HIVEP1: variants seen among roughly 807,000 people sequenced by gnomAD.
HIVEP1 encodes the protein HIVEP zinc finger 1.
A neutral mutation model predicts 180.0 loss-of-function variants in HIVEP1; 36 were observed. The observed-to-expected ratio is 0.20, with a 90% CI of 0.15 to 0.26. The LOEUF (loss-of-function observed/expected upper bound fraction) is 0.26, where lower values mean the gene tolerates loss of function less well. HIVEP1 is among the 10% of genes least tolerant of loss of function. The pLI is 1.00. For synonymous variants in HIVEP1, 1,239 were observed against 1,239.0 expected, an observed-to-expected ratio of 1.00 and a Z score of 0.00; for missense variants, 3,143 against 3,268.7, an observed-to-expected ratio of 0.96 and a Z score of 0.94.
chr6:12,133,991 A>AG (rs1449015613), intron 6 of HIVEP1, among the ~76,000 whole-genome samples: 13 of 152,112 alleles, frequency 8.5e-5, no homozygotes, highest in Admixed American at 3.9e-4. Context: ...AAAAAAAAAA[A>AG]AAGAGGACTA....
intron 2 of HIVEP1, among the ~76,000 whole-genome samples, chr6:12,084,652 T>C (rs1245191294): frequency 1.3e-5 from 2 of 152,278 alleles, no homozygotes; most frequent in Admixed American, 6.5e-5. Flanking sequence ...GTAGTAAAAA[T>C]AGTACAGTTA....
Position 12,120,645 on chromosome 6 carries a change from T to C in HIVEP1, c.850T>C (p.Tyr284His). The stretch of plus-strand genomic sequence containing the variant: ...GGCAATGCAGTCAGCTTCTCATTTG[T>C]ATCATCAACATGAACACTTTGTTCC... Reference protein sequence around the residue: ...QGAMQSASHLYHQHEHFVPKS... With the variant: ...QGAMQSASHLHHQHEHFVPKS... Residue 284 changes from tyrosine to histidine, a missense_variant, in exon 4 of 9, where the codon TAT becomes CAT. Transcript: ENST00000379388. The C allele has an allele frequency of 6.2e-7, 1 of 1,614,240 alleles. No individual in the cohort carries two copies. Among genetic ancestry groups the C allele is most frequent in the Non-Finnish European group, 8.5e-7 (1 of 1,180,036 alleles).
intron 2 of HIVEP1, among the ~76,000 whole-genome samples, chr6:12,044,978 T>G (rs574674318): frequency 6.6e-6 from 1 of 152,240 alleles, no homozygotes; most frequent in African/African-American, 2.4e-5. Flanking sequence ...TCAATAGAGC[T>G]AAGTCAAATT....
At chr6:12,068,021 G>C (rs1470104466) in intron 2 of HIVEP1, among the ~76,000 whole-genome samples, 4 of 152,112 alleles carry the variant, frequency 2.6e-5, no homozygotes, top group African/African-American at 9.7e-5. Context: ...TCGTGCTGGT[G>C]AGGGGGCTGT....
intron 7 of HIVEP1, among the ~76,000 whole-genome samples, chr6:12,139,080 T>C (rs1241932029): frequency 6.6e-6 from 1 of 152,008 alleles, no homozygotes; most frequent in Non-Finnish European, 1.5e-5. Context: ...TTACAGACTA[T>C]CTTCCACATA....
intron 3 of HIVEP1, among the ~76,000 whole-genome samples, chr6:12,104,414 CCT>C (rs1561942278): frequency 1.7e-5 from 2 of 117,794 alleles, no homozygotes; most frequent in Non-Finnish European, 3.7e-5. Context: ...CTCTCTCTCT[CCT>C]TTTCTTTCCT....
intron 2 of HIVEP1, among the ~76,000 whole-genome samples, chr6:12,056,351 T>TTAA (rs1288373079): frequency 1.3e-5 from 2 of 152,170 alleles, no homozygotes; most frequent in African/African-American, 2.4e-5. Flanking sequence ...AAGATTAATA[T>TTAA]TAATAATAAT....
the HIVEP1 span, among the ~76,000 whole-genome samples, chr6:12,192,759 T>C: frequency 1.3e-5 from 2 of 152,210 alleles, no homozygotes; most frequent in African/African-American, 4.8e-5. Context: ...ATCTCTTTTC[T>C]TCATAAATTA....
At chr6:12,104,414 CCTTTTCTT>C (rs1774302012) in intron 3 of HIVEP1, among the ~76,000 whole-genome samples, 1 of 117,798 alleles carries the variant, frequency 8.5e-6, no homozygotes. Context: ...CTCTCTCTCT[CCTTTTCTT>C]TCCTTTTTTT....
intron 2 of HIVEP1, among the ~76,000 whole-genome samples, chr6:12,058,272 C>G (rs1771002862): frequency 6.6e-6 from 1 of 151,916 alleles, no homozygotes; most frequent in African/African-American, 2.4e-5. Flanking sequence ...TTATAAAGTG[C>G]TTAGTGGTAA....
At chr6:12,095,217 A>T (rs534361991) in intron 3 of HIVEP1, among the ~76,000 whole-genome samples, 10 of 151,758 alleles carry the variant, frequency 6.6e-5, no homozygotes, top group Non-Finnish European at 1.5e-4. Context: ...GATTTTCATG[A>T]TACTTTCTTG....
At chr6:12,093,513 A>G (rs1185858500) in intron 3 of HIVEP1, among the ~76,000 whole-genome samples, 1 of 151,534 alleles carries the variant, frequency 6.6e-6, no homozygotes, top group Non-Finnish European at 1.5e-5. Flanking sequence ...CACGTTTCAG[A>G]TTAAAAACCC....
intron 2 of HIVEP1, among the ~76,000 whole-genome samples, chr6:12,079,062 C>T (rs550915670): frequency 1.3e-5 from 2 of 152,172 alleles, no homozygotes; most frequent in African/African-American, 4.8e-5. Flanking sequence ...ACCATGGTTA[C>T]GATGACTACC....
chr6:12,182,285 C>T, the HIVEP1 span, among the ~76,000 whole-genome samples: 8 of 151,668 alleles, frequency 5.3e-5, no homozygotes, highest in African/African-American at 1.9e-4. Flanking sequence ...TTTCTTAAAA[C>T]AAAAATTTCC....
In HIVEP1 at chr6:12,039,895, ACCTGCAGTGGTTC is replaced by A. The variant is rs561586587; in HGVS notation, c.40+24232_40+24244del. On this transcript the variant is annotated intron_variant, in intron 2 of 8. Coordinates refer to ENST00000379388, the MANE Select transcript of HIVEP1 (RefSeq NM_002114.4). ...CAGGGAGCACTGGACCCCTGTGAGCACCTGCAGTGGTTCCCTGGCCGGAGTTCAGGCAGGGCGG... is the reference window on the plus strand; with the variant it reads ...CAGGGAGCACTGGACCCCTGTGAGCACCTGGCCGGAGTTCAGGCAGGGCGG... Among the ~76,000 whole-genome samples, 25 of 152,268 alleles carry A rather than the reference ACCTGCAGTGGTTC, an allele frequency of 1.6e-4. No individual in the cohort carries two copies. The East Asian group carries it at 4.6e-3, about 28-fold the overall frequency.
chr6:12,178,660 G>GACACAAC, the HIVEP1 span, among the ~76,000 whole-genome samples: 4 of 152,294 alleles, frequency 2.6e-5, no homozygotes, highest in African/African-American at 7.2e-5. Flanking sequence ...GGAGGTCTGA[G>GACACAAC]TTGATGGGGC....
At chr6:12,061,360 A>T (rs1771219755) in intron 2 of HIVEP1, among the ~76,000 whole-genome samples, 1 of 152,262 alleles carries the variant, frequency 6.6e-6, no homozygotes, top group Admixed American at 6.5e-5. Flanking sequence ...TAGCAGGTCA[A>T]ATAAATTACT....
rs372934680 is a variant in HIVEP1, at chr6:12,046,845, C to CTGTGTGTGTGTGTGTGTGTGTG, written c.40+31187_40+31208dup. Among the ~76,000 whole-genome samples the CTGTGTGTGTGTGTGTGTGTGTG allele has an allele frequency of 6.7e-3, 951 of 141,050 alleles. 10 individuals carry two copies. Among genetic ancestry groups the CTGTGTGTGTGTGTGTGTGTGTG allele is most frequent in the East Asian group, 0.018 (79 of 4,492 alleles). 92.5% of individuals were successfully genotyped at this position (141,050 alleles called of 152,430 possible). Reference sequence around the variant, plus strand: ...TACACTTCTTCTTACTGCCACTACACTGTGTGTGTGTGTGTGTGTGTGTGT... The same window carrying CTGTGTGTGTGTGTGTGTGTGTG: ...TACACTTCTTCTTACTGCCACTACACTGTGTGTGTGTGTGTGTGTGTGTGTGTGTGTGTGTGTGTGTGTGTGT... On this transcript the variant is annotated intron_variant, in intron 2 of 8. Coordinates refer to ENST00000379388, the MANE Select transcript of HIVEP1 (RefSeq NM_002114.4).
At chr6:12,078,011 A>G (rs895722399) in intron 2 of HIVEP1, among the ~76,000 whole-genome samples, 1 of 152,188 alleles carries the variant, frequency 6.6e-6, no homozygotes, top group African/African-American at 2.4e-5. Context: ...AGAATTACCA[A>G]TTCTGGAAAG....
Sources: allele counts gnomAD v4.1 joint callset (sites outside exome capture counted in the v4.1 genomes callset), GRCh38; gene constraint gnomAD v4.1.1; transcripts MANE v1.5; gene names NCBI Gene and HGNC (gene_info 2026-07-23, HGNC 2026-07-21).